CNTNAP5: variants seen among roughly 807,000 people sequenced by gnomAD.
CNTNAP5 encodes contactin-associated protein-like 5.
Under a neutral mutation model 150.2 loss-of-function variants are expected in CNTNAP5, and 72 were observed. The ratio of observed to expected loss-of-function variants is 0.48; its 90% confidence interval spans 0.40 to 0.58. The LOEUF is 0.58. CNTNAP5 is among the 20% of genes least tolerant of loss of function. CNTNAP5 has a pLI of 0.00. For synonymous variants in CNTNAP5, 672 were observed against 619.8 expected (o/e 1.08, Z -1.25); for missense variants, 1,636 against 1,626.2 (o/e 1.01, Z -0.10).
intron 18 of CNTNAP5, 23 bp from the exon 19 acceptor site, chr2:124,798,073 C>G (rs1043732195): frequency 6.4e-7 from 1 of 1,557,496 alleles, no homozygotes; most frequent in Non-Finnish European, 8.8e-7. Context: ...TCAATGTGTG[C>G]TCTCCCCTCT....
chr2:124,549,340 C>A (rs917555389), intron 10 of CNTNAP5, among the ~76,000 whole-genome samples: 1 of 152,126 alleles, frequency 6.6e-6, no homozygotes, highest in Non-Finnish European at 1.5e-5. Flanking sequence ...CCAATTATAA[C>A]CTGTGTCCTT....
chr2:124,451,029 TAAAAAAA>T (rs1156744323), intron 6 of CNTNAP5, among the ~76,000 whole-genome samples: 6,984 of 20,168 alleles, frequency 0.35, 882 homozygotes, highest in Middle Eastern at 0.58. Flanking sequence ...CCATGTCTCT[TAAAAAAA>T]AAAAAAAAAA....
chr2:124,161,828 G>T (rs1269830935), intron 1 of CNTNAP5, among the ~76,000 whole-genome samples: 1 of 152,140 alleles, frequency 6.6e-6, no homozygotes, highest in East Asian at 1.9e-4. Context: ...AGATCTTGAT[G>T]ATTAAAATTT....
chr2:124,614,320 G>T (rs1476904920), intron 12 of CNTNAP5, among the ~76,000 whole-genome samples: 1 of 152,160 alleles, frequency 6.6e-6, no homozygotes. Context: ...GACCCCAAGA[G>T]AAAGTTCTTG....
intron 20 of CNTNAP5, among the ~76,000 whole-genome samples, chr2:124,868,651 C>T (rs1249383949): frequency 6.6e-6 from 1 of 152,092 alleles, no homozygotes; most frequent in Non-Finnish European, 1.5e-5. Context: ...AATTTTCTGT[C>T]CTGTCTCCCT....
chr2:124,854,882 C>T (rs889585232), intron 19 of CNTNAP5, among the ~76,000 whole-genome samples: 1 of 152,098 alleles, frequency 6.6e-6, no homozygotes, highest in Non-Finnish European at 1.5e-5. Context: ...AAGTGGGGAC[C>T]TGGGTCACAT....
At chr2:124,386,084 T>C (rs147317358) in intron 3 of CNTNAP5, among the ~76,000 whole-genome samples, 181 of 152,308 alleles carry the variant, frequency 1.2e-3, no homozygotes, top group African/African-American at 4.0e-3. Flanking sequence ...ACCTTGTTCA[T>C]TGAGCTGCAT....
chr2:124,901,711 A>G lies in CNTNAP5; in HGVS notation c.3437-1171A>G, dbSNP rs566687308. Among the ~76,000 whole-genome samples the G allele has an allele frequency of 3.9e-5, 6 of 152,338 alleles. No homozygotes were observed. The South Asian group carries it at 1.0e-3, about 26-fold the overall frequency. The stretch of plus-strand genomic sequence containing the variant: ...ATTTAAGTTTGTGGCAATTTGTCAC[A>G]CCAGCCACATAACAATACACGATTT... On this transcript the variant is annotated intron_variant, in intron 21 of 23. Transcript: ENST00000682447.
chr2:124,608,894 A>G (rs1052154409), intron 11 of CNTNAP5, among the ~76,000 whole-genome samples: 8 of 152,014 alleles, frequency 5.3e-5, no homozygotes, highest in Non-Finnish European at 8.8e-5. Flanking sequence ...TAGTGAGCCA[A>G]GATCAAGCCA....
chr2:124,188,578 G>T (rs1685385327), intron 1 of CNTNAP5, among the ~76,000 whole-genome samples: 5 of 151,800 alleles, frequency 3.3e-5, no homozygotes, highest in Admixed American at 3.3e-4. Context: ...AATTAGCCGG[G>T]CGTGGTGGCG....
intron 19 of CNTNAP5, among the ~76,000 whole-genome samples, chr2:124,848,926 C>A (rs1683102675): frequency 6.6e-6 from 1 of 151,974 alleles, no homozygotes; most frequent in African/African-American, 2.4e-5. Context: ...TATTTTTTCC[C>A]ATTCTCTAGG....
At chr2:124,049,359 G>A (rs187304676) in intron 1 of CNTNAP5, among the ~76,000 whole-genome samples, 1 of 152,318 alleles carries the variant, frequency 6.6e-6, no homozygotes, top group African/African-American at 2.4e-5. Flanking sequence ...GACATGCAGA[G>A]GTGGCAGTAG....
chr2:124,598,938 C>T (rs572402843), intron 11 of CNTNAP5, among the ~76,000 whole-genome samples: 290 of 152,052 alleles, frequency 1.9e-3, no homozygotes, highest in African/African-American at 6.6e-3. Flanking sequence ...TTCTTTGACT[C>T]GGAAAGGGAA....
At chr2:124,214,058 G>A (rs539632700) in intron 1 of CNTNAP5, among the ~76,000 whole-genome samples, 1 of 152,286 alleles carries the variant, frequency 6.6e-6, no homozygotes, top group Admixed American at 6.5e-5. Flanking sequence ...ATATTGCAGA[G>A]ACTCTGAAAT....
At chr2:124,844,149 A>G (rs1305200241) in intron 19 of CNTNAP5, among the ~76,000 whole-genome samples, 1 of 152,102 alleles carries the variant, frequency 6.6e-6, no homozygotes, top group Non-Finnish European at 1.5e-5. Flanking sequence ...TTTAGGTCTT[A>G]GATTTAAGTC....
At chr2:124,616,720 A>G (rs1055262380) in intron 12 of CNTNAP5, among the ~76,000 whole-genome samples, 1 of 152,144 alleles carries the variant, frequency 6.6e-6, no homozygotes, top group African/African-American at 2.4e-5. Flanking sequence ...AAAATGAGAG[A>G]TGTGCCACTC....
chr2:124,030,592 A>C (rs1445433440), intron 1 of CNTNAP5, among the ~76,000 whole-genome samples: 1 of 152,034 alleles, frequency 6.6e-6, no homozygotes, highest in Non-Finnish European at 1.5e-5. Context: ...CTGTAGCTCT[A>C]CCCATGGCAA....
At chr2:124,093,680 C>T (rs551401836) in intron 1 of CNTNAP5, among the ~76,000 whole-genome samples, 2 of 152,296 alleles carry the variant, frequency 1.3e-5, no homozygotes, top group South Asian at 4.1e-4. Flanking sequence ...TTGCAAATCT[C>T]GACCTTGAAC....
intron 21 of CNTNAP5, among the ~76,000 whole-genome samples, chr2:124,877,870 A>C (rs1234164180): frequency 1.3e-5 from 2 of 152,120 alleles, no homozygotes. Context: ...TTATTTCATA[A>C]TATCTTTCTG....
Sources: gnomAD v4.1 joint callset for allele counts (sites outside exome capture counted in the v4.1 genomes callset) on GRCh38, gnomAD v4.1.1 for gene constraint, MANE v1.5 for transcripts, NCBI Gene and HGNC (gene_info 2026-07-23, HGNC 2026-07-21) for gene names.